The following ZNF410 variants were observed in gnomAD, a reference collection of about 807,000 sequenced individuals.
ZNF410 encodes zinc finger protein 410, also known as another partner for ARF 1.
A neutral mutation model predicts 54.8 loss-of-function variants in ZNF410; 18 were observed. That is an observed-to-expected ratio of 0.33 (90% confidence interval 0.23 to 0.49). The LOEUF (loss-of-function observed/expected upper bound fraction) is 0.49. ZNF410 is among the 20% of genes least tolerant of loss of function. The probability of loss-of-function intolerance (pLI) is 0.99; values close to 1 mark genes in which losing one functional copy is unlikely to be tolerated. For synonymous variants in ZNF410, 191 were observed against 207.3 expected (o/e 0.92, Z 0.68); for missense variants, 405 against 569.6 (o/e 0.71, Z 2.94).
chr14:73,896,080 C>T lies in ZNF410; in HGVS notation c.170-236C>T, dbSNP rs868399421. On this transcript the variant is annotated intron_variant, in intron 3 of 11. Transcript: ENST00000555044. ...AAATGTTGAATGGTTGGTTATTCAC[C>T]AACCATTACTGCCAAGTGACAGAGA... 106 of 509,268 alleles carry T rather than the reference C, an allele frequency of 2.1e-4. 1 individual carries two copies. The Middle Eastern group carries it at 9.3e-3, about 45-fold the overall frequency. 31.5% of individuals were successfully genotyped at this position (509,268 alleles called of 1,614,324 possible).
rs1223003891 is a variant in ZNF410 at position 73,896,371 on chromosome 14, G to A, written c.225G>A (p.Leu75=). 1 of 1,614,030 alleles carries A rather than the reference G, an allele frequency of 6.2e-7. No homozygotes were observed. Among genetic ancestry groups the A allele is most frequent in the African/African-American group, 1.3e-5 (1 of 74,914 alleles). Residue 75 remains leucine, a synonymous_variant, in exon 4 of 12, where the codon TTG becomes TTA. Coordinates refer to ENST00000555044, the MANE Select transcript of ZNF410 (RefSeq NM_021188.3). ...AGGAGGTCCCTTCCTCAGCTGTTTT[G>A]AGAAGCCTTCGGGTGAATGTGGGTC... ...SSKEVPSSAV[L]RSLRVNVGPD... is the part of the protein sequence containing the mutation.
chr14:73,905,634 T>C (rs2055469349), intron 7 of ZNF410: 1 of 152,228 alleles, frequency 6.6e-6, no homozygotes, highest in East Asian at 1.9e-4. Context: ...CCTTGACTCT[T>C]AATCTAAGAG....
intron 1 of ZNF410, among the ~76,000 whole-genome samples, chr14:73,889,050 A>G (rs2055184265): frequency 6.6e-6 from 1 of 152,226 alleles, no homozygotes; most frequent in Non-Finnish European, 1.5e-5. Context: ...GACAGTAAAT[A>G]GTTGTCTGGT....
chr14:73,925,589 G>A (rs1019977349), intron 11 of ZNF410, among the ~76,000 whole-genome samples: 3 of 151,944 alleles, frequency 2.0e-5, no homozygotes, highest in Admixed American at 6.6e-5. Context: ...TACCAAACCC[G>A]GCTAATTTTT....
intron 1 of ZNF410, among the ~76,000 whole-genome samples, chr14:73,889,431 C>CA (rs11330316): frequency 0.072 from 6,053 of 84,528 alleles, 404 homozygotes; most frequent in East Asian, 0.44. Context: ...GACTCAGTCT[C>CA]AAAAAAAAAA....
chr14:73,907,682 AG>A (rs1240293406), intron 7 of ZNF410, among the ~76,000 whole-genome samples: 1 of 152,198 alleles, frequency 6.6e-6, no homozygotes, highest in Non-Finnish European at 1.5e-5. Flanking sequence ...ACCTGAGGTC[AG>A]GAGTTCCAGA....
At chr14:73,922,344 C>G (rs1023082877) in intron 10 of ZNF410, 138 bp downstream of exon 10, 7 of 901,126 alleles carry the variant, frequency 7.8e-6, no homozygotes, top group Non-Finnish European at 1.1e-5. Context: ...TGTTCTTATT[C>G]TCTGGGGTGG....
At chr14:73,892,426 TC>T (rs1282797231) in intron 2 of ZNF410, among the ~76,000 whole-genome samples, 3 of 151,818 alleles carry the variant, frequency 2.0e-5, no homozygotes, top group African/African-American at 7.3e-5. Context: ...ATATGTGAAA[TC>T]ATACATTTAG....
chr14:73,910,821 C>T (rs1385645573), intron 8 of ZNF410, among the ~76,000 whole-genome samples: 1 of 139,512 alleles, frequency 7.2e-6, no homozygotes, highest in Non-Finnish European at 1.5e-5. Context: ...GTGATTGCGC[C>T]ACTGCACTGC....
intron 8 of ZNF410, among the ~76,000 whole-genome samples, chr14:73,919,278 T>C (rs1405848377): frequency 6.6e-6 from 1 of 152,028 alleles, no homozygotes; most frequent in Non-Finnish European, 1.5e-5. Flanking sequence ...ATTACATGTG[T>C]GAACCACTGC....
intron 7 of ZNF410, chr14:73,905,340 C>T: frequency 2.8e-6 from 1 of 360,078 alleles, no homozygotes; most frequent in Non-Finnish European, 5.0e-6. Flanking sequence ...GTAAGACCTT[C>T]TCAGACAACA....
intron 9 of ZNF410, among the ~76,000 whole-genome samples, chr14:73,921,669 G>A (rs12050413): frequency 0.09 from 13,694 of 152,064 alleles, 1,039 homozygotes; most frequent in East Asian, 0.44. Context: ...TAGAGACGGG[G>A]TTTCACCATG....
chr14:73,906,733 C>T (rs990213665), intron 7 of ZNF410, among the ~76,000 whole-genome samples: 2 of 151,978 alleles, frequency 1.3e-5, no homozygotes, highest in African/African-American at 4.8e-5. Flanking sequence ...CCGACCTTGC[C>T]CTCCCAAAGT....
intron 8 of ZNF410, chr14:73,916,806 T>C (rs2055674143): frequency 9.1e-6 from 1 of 110,338 alleles, no homozygotes; most frequent in African/African-American, 3.1e-5. Context: ...AAGCCCCGTT[T>C]CTACAAAAAA....
Position 73,931,870 on chromosome 14 carries a change from G to T in ZNF410, c.*329G>T, listed in dbSNP as rs2055921041. On this transcript the variant is annotated 3_prime_UTR_variant, in exon 12 of 12. Transcript: ENST00000555044. ...TCTTCATTCTGACTGTTGAGGGGAGGTTTTCCTTTGAAGAGTTTTCATCCC... is the reference window on the plus strand; with the variant it reads ...TCTTCATTCTGACTGTTGAGGGGAGTTTTTCCTTTGAAGAGTTTTCATCCC... The T allele has an allele frequency of 2.2e-6, 1 of 445,136 alleles. No homozygotes were observed. Among genetic ancestry groups the T allele is most frequent in the Non-Finnish European group, 4.5e-6 (1 of 223,262 alleles). 27.6% of individuals were successfully genotyped at this position (445,136 alleles called of 1,614,324 possible).
chr14:73,924,899 G>A (rs988550742), intron 11 of ZNF410: 1 of 312,718 alleles, frequency 3.2e-6, no homozygotes, highest in South Asian at 2.4e-5. Flanking sequence ...GGATGGTCTC[G>A]ATCTCTTGAC....
At chr14:73,894,614 A>G (rs1441456620) in intron 3 of ZNF410, among the ~76,000 whole-genome samples, 1 of 151,828 alleles carries the variant, frequency 6.6e-6, no homozygotes, top group Non-Finnish European at 1.5e-5. Context: ...TTTAGTAGAA[A>G]CGGGGTTTCA....
chr14:73,889,558 T>C (rs890246055), intron 1 of ZNF410, among the ~76,000 whole-genome samples: 63 of 152,174 alleles, frequency 4.1e-4, no homozygotes, highest in African/African-American at 1.4e-3. Context: ...ACGCCAATGA[T>C]TTCTGCATAC....
chr14:73,920,783 T>G (rs1594764862), intron 8 of ZNF410, 197 bp from the exon 9 acceptor site: 25 of 549,408 alleles, frequency 4.6e-5, no homozygotes, highest in Admixed American at 1.0e-4. Flanking sequence ...GAGCAGGGAG[T>G]GTGCTAAAGC....
Sources: gnomAD v4.1 joint callset for allele counts (sites outside exome capture counted in the v4.1 genomes callset) on GRCh38, gnomAD v4.1.1 for gene constraint, MANE v1.5 for transcripts, NCBI Gene and HGNC (gene_info 2026-07-23, HGNC 2026-07-21) for gene names.